The following CD163L1 variants were observed in gnomAD, a reference collection of about 807,000 sequenced individuals.
CD163L1 encodes CD163 molecule like 1.
CD163L1 carries 124 observed loss-of-function variants against 165.4 expected under a neutral mutation model. That is an observed-to-expected ratio of 0.75 (90% confidence interval 0.65 to 0.87). The LOEUF is 0.87. Ranked by LOEUF, CD163L1 falls within the 40% of genes least tolerant of loss-of-function variation. CD163L1 has a pLI of 0.00. For missense variants in CD163L1, 1,525 were observed against 1,799.9 expected, an observed-to-expected ratio of 0.85 and a Z score of 2.76; for synonymous variants, 585 against 662.2, an observed-to-expected ratio of 0.88 and a Z score of 1.79.
At chr12:7,407,806 CAG>C (rs1555200468) in intron 4 of CD163L1, among the ~76,000 whole-genome samples, 8 of 147,318 alleles carry the variant, frequency 5.4e-5, no homozygotes, top group African/African-American at 1.5e-4. Flanking sequence ...CACACACACA[CAG>C]ACACACACAC....
intron 4 of CD163L1, among the ~76,000 whole-genome samples, chr12:7,429,411 A>G (rs1004217468): frequency 6.6e-6 from 1 of 152,090 alleles, no homozygotes; most frequent in African/African-American, 2.4e-5. Context: ...CTCAAGCACT[A>G]CTGATATGCT....
intron 4 of CD163L1, among the ~76,000 whole-genome samples, chr12:7,418,907 G>C (rs1160321851): frequency 6.6e-6 from 1 of 151,926 alleles, no homozygotes; most frequent in East Asian, 1.9e-4. Flanking sequence ...AACAAAAAAA[G>C]TCCAGAACCA....
At chr12:7,379,863 G>T (rs1480414641) in intron 8 of CD163L1, among the ~76,000 whole-genome samples, 2 of 143,940 alleles carry the variant, frequency 1.4e-5, no homozygotes, top group African/African-American at 5.5e-5. Flanking sequence ...AGAGGAGTAG[G>T]TAAGTTTTTT....
At chr12:7,340,653 AG>A in the CD163L1 span, among the ~76,000 whole-genome samples, 2 of 149,896 alleles carry the variant, frequency 1.3e-5, no homozygotes, top group Non-Finnish European at 3.0e-5. Context: ...ATACTCCAAG[AG>A]ATGATTTCAA....
At chr12:7,356,171 A>G (rs1055968534) in intron 19 of CD163L1, among the ~76,000 whole-genome samples, 4 of 152,270 alleles carry the variant, frequency 2.6e-5, no homozygotes, top group South Asian at 2.1e-4. Flanking sequence ...ATGAAAACAC[A>G]TAAGATACAC....
intron 8 of CD163L1, 129 bp from the exon 9 acceptor site, chr12:7,379,427 C>T: frequency 1.2e-6 from 1 of 822,462 alleles, no homozygotes; most frequent in East Asian, 2.7e-5. Flanking sequence ...CCCGGCTTCA[C>T]CAGTGTTTAA....
At chr12:7,421,065 G>GTATATATACA (rs1948355384) in intron 4 of CD163L1, among the ~76,000 whole-genome samples, 6 of 82,950 alleles carry the variant, frequency 7.2e-5, no homozygotes, top group Non-Finnish European at 1.0e-4. Flanking sequence ...ACGTATATAT[G>GTATATATACA]TATATATACG....
At chr12:7,426,341 T>C (rs1156900095) in intron 4 of CD163L1, among the ~76,000 whole-genome samples, 2 of 151,698 alleles carry the variant, frequency 1.3e-5, no homozygotes, top group Non-Finnish European at 2.9e-5. Flanking sequence ...ACCTAATGCA[T>C]GTGGGGCTTA....
At chr12:7,439,776 C>A in intron 2 of CD163L1, 4 of 1,613,612 alleles carry the variant, frequency 2.5e-6, no homozygotes, top group South Asian at 1.1e-5. Context: ...GAATTTCACC[C>A]CCCTCGATCT....
chr12:7,333,426 T>C, the CD163L1 span, among the ~76,000 whole-genome samples: 4,594 of 152,232 alleles, frequency 0.03, 240 homozygotes, highest in African/African-American at 0.1. Flanking sequence ...GAAATAAAGA[T>C]GTTCTTTGAA....
intron 4 of CD163L1, among the ~76,000 whole-genome samples, chr12:7,418,347 C>G (rs554987775): frequency 7.2e-4 from 110 of 152,034 alleles, no homozygotes; most frequent in Admixed American, 3.1e-3. Context: ...TGATAATAGT[C>G]ACACAACCTA....
chr12:7,329,214 CA>C, the CD163L1 span, among the ~76,000 whole-genome samples: 1 of 145,072 alleles, frequency 6.9e-6, no homozygotes, highest in South Asian at 2.2e-4. Flanking sequence ...ACTAAGAGGC[CA>C]AAAGAAAGAA....
rs1192848510 is a variant in CD163L1 at position 7,369,640 on chromosome 12, G to A, written c.3756C>T (p.Asp1252=). ...TCTCCACTCTCCCAGAGCACTCGGT[G>A]TCTCCTCCACGCACTCTTATTCTAT... ...CEDRIRVRGG[D]TECSGRVEIW... Residue 1252 remains aspartate, a synonymous_variant, in exon 15 of 20, where the codon GAC becomes GAT. Coordinates refer to ENST00000313599, the MANE Select transcript of CD163L1 (RefSeq NM_174941.6). The surrounding 1 kb of genome is among the most constrained non-coding windows in gnomAD (Gnocchi z 4.9). 1.2e-6 allele frequency: 2 copies of A among 1,614,072 alleles called. No individual in the cohort carries two copies. The highest frequency in any genetic ancestry group is 8.5e-7 in the Non-Finnish European group (1 of 1,179,964).
chr12:7,344,601 A>G (rs114140164), downstream of CD163L1, among the ~76,000 whole-genome samples: 1,026 of 152,274 alleles, frequency 6.7e-3, 13 homozygotes, highest in African/African-American at 0.023. Context: ...CAGTGCCCCA[A>G]TGGGGAGTCT....
chr12:7,369,097 T>C lies in CD163L1; in HGVS notation c.4040-132A>G. On this transcript the variant is annotated intron_variant, in intron 15 of 19. Coordinates refer to ENST00000313599, the MANE Select transcript of CD163L1 (RefSeq NM_174941.6). The surrounding 1 kb of genome is among the most constrained non-coding windows in gnomAD (Gnocchi z 4.9). Reference sequence around the variant, plus strand: ...ATCTCCTGTGAATACTGGATGTCATTTAAAATATCAGTCAGAATCCTCTTG... The same window carrying C: ...ATCTCCTGTGAATACTGGATGTCATCTAAAATATCAGTCAGAATCCTCTTG... 9.0e-7 allele frequency: 1 copy of C among 1,115,094 alleles called. No homozygotes were observed. The highest frequency in any genetic ancestry group is 1.3e-6 in the Non-Finnish European group (1 of 768,030). 69.1% of individuals were successfully genotyped at this position (1,115,094 alleles called of 1,614,324 possible). A position where few individuals can be genotyped will look rare whatever the true frequency, so the allele number is the denominator to read the frequency against.
At chr12:7,333,647 G>C in the CD163L1 span, among the ~76,000 whole-genome samples, 1 of 152,174 alleles carries the variant, frequency 6.6e-6, no homozygotes, top group African/African-American at 2.4e-5. Context: ...GATCAGAGCA[G>C]AACTGAAGGA....
At chr12:7,344,351 G>C (rs1297599615), downstream of CD163L1, among the ~76,000 whole-genome samples, 3 of 152,220 alleles carry the variant, frequency 2.0e-5, no homozygotes, top group South Asian at 6.2e-4. Flanking sequence ...GCCTCCCAAA[G>C]TGCAGGAATT....
At chr12:7,443,548 C>T (rs906933823) in intron 1 of CD163L1, among the ~76,000 whole-genome samples, 2 of 152,120 alleles carry the variant, frequency 1.3e-5, no homozygotes, top group African/African-American at 4.8e-5. Context: ...ATAATGTCTT[C>T]TTATTTATTT....
chr12:7,357,306 A>G, intron 19 of CD163L1, 74 bp downstream of exon 19: 1 of 931,810 alleles, frequency 1.1e-6, no homozygotes, highest in Non-Finnish European at 1.7e-6. Flanking sequence ...AAATATTGGA[A>G]AAAATGTATT....
Sources: allele counts gnomAD v4.1 joint callset (sites outside exome capture counted in the v4.1 genomes callset), GRCh38; gene constraint gnomAD v4.1.1; non-coding constraint Gnocchi (gnomAD v3.1); transcripts MANE v1.5; gene names NCBI Gene and HGNC (gene_info 2026-07-23, HGNC 2026-07-21).